C8orf34: variants seen among roughly 807,000 people sequenced by gnomAD.
The protein encoded by C8orf34 is uncharacterized protein C8orf34.
Under a neutral mutation model 68.3 loss-of-function variants are expected in C8orf34, and 65 were observed. That is an observed-to-expected ratio of 0.95 (90% CI 0.78 to 1.17). The LOEUF is 1.17. Among genes scored for constraint, C8orf34 ranks in the 50% most tolerant of loss-of-function variants. The pLI, the probability that C8orf34 is intolerant of heterozygous loss-of-function variation, is 0.00. For synonymous variants in C8orf34, 244 were observed against 241.2 expected (o/e 1.01, Z -0.11); for missense variants, 664 against 655.4 (o/e 1.01, Z -0.14).
intron 12 of C8orf34, among the ~76,000 whole-genome samples, chr8:68,810,692 A>G (rs1824623390): frequency 6.6e-6 from 1 of 152,110 alleles, no homozygotes; most frequent in Non-Finnish European, 1.5e-5. Flanking sequence ...GAGTGCCAGG[A>G]TAGCTCTCCA....
At chr8:68,815,973 G>A (rs556832214) in intron 13 of C8orf34, 28 bp downstream of exon 13, 9 of 1,613,432 alleles carry the variant, frequency 5.6e-6, no homozygotes, top group African/African-American at 1.3e-5. Flanking sequence ...ACTTAATATC[G>A]ATGTCGGGTA....
At chr8:68,604,430 T>G (rs889747420) in intron 7 of C8orf34, among the ~76,000 whole-genome samples, 1 of 135,868 alleles carries the variant, frequency 7.4e-6, no homozygotes, top group Non-Finnish European at 1.5e-5. Context: ...CAAATCATTC[T>G]GTAAGAAAAC....
At chr8:68,383,832 C>T (rs1190347103) in intron 1 of C8orf34, among the ~76,000 whole-genome samples, 1 of 152,142 alleles carries the variant, frequency 6.6e-6, no homozygotes, top group East Asian at 1.9e-4. Flanking sequence ...TGGCACTGGC[C>T]AGGTGCTGAA....
chr8:68,685,553 T>A (rs2130890269), intron 8 of C8orf34, among the ~76,000 whole-genome samples: 1 of 152,186 alleles, frequency 6.6e-6, no homozygotes, highest in South Asian at 2.1e-4. Flanking sequence ...GAAATTGCTT[T>A]AAAAAGCATG....
intron 13 of C8orf34, among the ~76,000 whole-genome samples, chr8:68,817,858 G>A (rs983920054): frequency 6.6e-6 from 1 of 152,136 alleles, no homozygotes; most frequent in Admixed American, 6.5e-5. Context: ...AGTGAAGGGG[G>A]AGGAACCCCT....
chr8:68,600,068 A>G (rs1817653958), intron 7 of C8orf34, among the ~76,000 whole-genome samples: 2 of 152,102 alleles, frequency 1.3e-5, no homozygotes, highest in Admixed American at 6.6e-5. Flanking sequence ...TAACTACAAT[A>G]CCAAATTATG....
intron 10 of C8orf34, 53 bp from the exon 11 acceptor site, chr8:68,776,345 TC>T: frequency 7.3e-7 from 1 of 1,376,856 alleles, no homozygotes; most frequent in Non-Finnish European, 1.0e-6. Flanking sequence ...ATTCTTTCAT[TC>T]TTTTTCTCTC....
At chr8:68,469,093 T>C (rs1404419898) in intron 4 of C8orf34, among the ~76,000 whole-genome samples, 1 of 152,034 alleles carries the variant, frequency 6.6e-6, no homozygotes, top group African/African-American at 2.4e-5. Context: ...CCAGTTTAAA[T>C]ATGTGCCTAA....
chr8:68,495,751 C>T (rs998130259), intron 5 of C8orf34, among the ~76,000 whole-genome samples: 1 of 151,996 alleles, frequency 6.6e-6, no homozygotes, highest in Non-Finnish European at 1.5e-5. Context: ...GGCAGTTTAA[C>T]AGACCAGAGT....
In C8orf34 at chr8:68,776,367, C is replaced by T. The variant is rs757314004; in HGVS notation, c.1405-32C>T. 3.8e-6 allele frequency: 6 copies of T among 1,567,748 alleles called. No homozygotes were observed. In the Admixed American group the frequency reaches 1.0e-4, roughly 26 times the overall value. ...CATTCTTTTTCTCTCCTTCTCCTGA[C>T]CTTTTCAACCTCTCTTCCTCTTTAC... On this transcript the variant is annotated intron_variant, in intron 10 of 13. Transcript: ENST00000518698.
chr8:68,601,379 T>C (rs545807937), intron 7 of C8orf34, among the ~76,000 whole-genome samples: 62 of 152,186 alleles, frequency 4.1e-4, no homozygotes, highest in Admixed American at 2.2e-3. Flanking sequence ...TTTTTTGTGA[T>C]TGTTCTACAT....
intron 1 of C8orf34, among the ~76,000 whole-genome samples, chr8:68,332,022 G>A (rs1805632907): frequency 6.6e-6 from 1 of 151,232 alleles, no homozygotes; most frequent in African/African-American, 2.4e-5. Context: ...CAGGAGAAAG[G>A]GACGGAGAAA....
At chr8:68,773,590 A>C (rs1823414886) in intron 10 of C8orf34, among the ~76,000 whole-genome samples, 2 of 151,916 alleles carry the variant, frequency 1.3e-5, no homozygotes, top group African/African-American at 2.4e-5. Flanking sequence ...GGTAAAGACG[A>C]GGTTTCACCA....
intron 1 of C8orf34, among the ~76,000 whole-genome samples, chr8:68,333,589 T>G (rs920117570): frequency 2.0e-5 from 3 of 152,210 alleles, no homozygotes; most frequent in African/African-American, 7.2e-5. Context: ...TGTTTCATGT[T>G]AGAAAACCAG....
chr8:68,593,765 T>C (rs1348469819), intron 7 of C8orf34, among the ~76,000 whole-genome samples: 1 of 152,016 alleles, frequency 6.6e-6, no homozygotes, highest in Non-Finnish European at 1.5e-5. Flanking sequence ...TTTTTTATTG[T>C]TTGCTGTTTT....
chr8:68,389,051 T>G (rs541003014), intron 1 of C8orf34, among the ~76,000 whole-genome samples: 2 of 152,304 alleles, frequency 1.3e-5, no homozygotes, highest in South Asian at 4.1e-4. Context: ...AAGTATTCAG[T>G]GAATTGAAGC....
chr8:68,459,602 A>T (rs1811702574), intron 3 of C8orf34, among the ~76,000 whole-genome samples: 1 of 152,162 alleles, frequency 6.6e-6, no homozygotes, highest in Non-Finnish European at 1.5e-5. Flanking sequence ...CAGTACGGAG[A>T]TTTCTCAAAA....
At chr8:68,579,781 G>A (rs535873435) in intron 7 of C8orf34, among the ~76,000 whole-genome samples, 2 of 152,274 alleles carry the variant, frequency 1.3e-5, no homozygotes, top group South Asian at 2.1e-4. Flanking sequence ...GATGCCAAAT[G>A]TATGGCATAT....
At chr8:68,721,042 G>A (rs7015275) in intron 9 of C8orf34, among the ~76,000 whole-genome samples, 11,376 of 151,852 alleles carry the variant, frequency 0.075, 616 homozygotes, top group African/African-American at 0.15. Context: ...AAGAGAAACA[G>A]GGCATTAAAT....
Sources: allele counts gnomAD v4.1 joint callset (sites outside exome capture counted in the v4.1 genomes callset), GRCh38; gene constraint gnomAD v4.1.1; transcripts MANE v1.5; gene names NCBI Gene and HGNC (gene_info 2026-07-23, HGNC 2026-07-21).